The following CSN3 variants were observed in gnomAD, a reference collection of about 807,000 sequenced individuals.
CSN3 encodes casein kappa.
Under a neutral mutation model 9.9 loss-of-function variants are expected in CSN3, and 7 were observed. The ratio of observed to expected loss-of-function variants is 0.71; its 90% confidence interval spans 0.40 to 1.33. CSN3 has a LOEUF of 1.33. CSN3 is among the 40% of genes most tolerant of loss of function. The probability of loss-of-function intolerance (pLI) is 0.01; values close to 1 mark genes in which losing one functional copy is unlikely to be tolerated. For missense variants in CSN3, 253 were observed against 227.9 expected (o/e 1.11, Z -0.71); for synonymous variants, 88 against 82.3 (o/e 1.07, Z -0.37).
chr4:70,244,812 G>A lies in CSN3; in HGVS notation c.-8G>A. ...AATTTTTTTTTAAATTTATCTTTAG[G>A]TGCAATAATGAAGAGTTTTCTTCTA... is the stretch of plus-strand genomic sequence containing the variant. On this transcript the variant is annotated splice_region_variant and 5_prime_UTR_variant, in exon 2 of 5. The change creates a new upstream start codon in the 5' untranslated region. Transcript: ENST00000304954. The A allele has an allele frequency of 6.6e-7, 1 of 1,515,024 alleles. No homozygotes were observed. Among genetic ancestry groups the A allele is most frequent in the African/African-American group, 1.4e-5 (1 of 71,258 alleles). 93.8% of individuals were successfully genotyped at this position (1,515,024 alleles called of 1,614,324 possible).
chr4:70,242,707 A>T (rs936183356), intron 1 of CSN3, 42 bp downstream of exon 1: 2 of 152,112 alleles, frequency 1.3e-5, no homozygotes, highest in Admixed American at 6.6e-5. Flanking sequence ...TCCTTTTCAC[A>T]GTAGTTAGTT....
chr4:70,247,495 T>A (rs926423675), intron 2 of CSN3, among the ~76,000 whole-genome samples: 1 of 152,108 alleles, frequency 6.6e-6, no homozygotes, highest in African/African-American at 2.4e-5. Flanking sequence ...AAAAACTAAA[T>A]AGAAATTATT....
chr4:70,243,264 T>A (rs1030997013), intron 1 of CSN3: 1 of 539,146 alleles, frequency 1.9e-6, no homozygotes, highest in South Asian at 8.4e-5. Context: ...ATATTTTCTT[T>A]TGTTTACATA....
chr4:70,250,008 A>C (rs974026281), intron 4 of CSN3, among the ~76,000 whole-genome samples: 6 of 152,194 alleles, frequency 3.9e-5, no homozygotes, highest in African/African-American at 1.2e-4. Context: ...AAAATGATTC[A>C]TGAAGTTAAG....
chr4:70,241,136 A>C (rs994000199), upstream of CSN3, among the ~76,000 whole-genome samples: 2 of 152,040 alleles, frequency 1.3e-5, no homozygotes, highest in Non-Finnish European at 2.9e-5. Flanking sequence ...GTGAAATAGA[A>C]CACCTTCAAA....
exon 4 of CSN3, chr4:70,249,270 C>G (rs775548973): frequency 2.5e-6 from 4 of 1,614,024 alleles, no homozygotes; most frequent in Non-Finnish European, 3.4e-6. Flanking sequence ...TTATTGCCAT[C>G]CCCCCAAAGA....
chr4:70,242,944 T>C (rs111287292), intron 1 of CSN3, among the ~76,000 whole-genome samples: 2,228 of 152,274 alleles, frequency 0.015, 49 homozygotes, highest in African/African-American at 0.049. Context: ...GCGTTTAACG[T>C]ATTCCTACAG....
exon 4 of CSN3, chr4:70,249,044 A>G: frequency 6.2e-7 from 1 of 1,612,304 alleles, no homozygotes; most frequent in South Asian, 1.1e-5. Flanking sequence ...ACAGCTCCAT[A>G]TGTCCCAATG....
At chr4:70,248,868 T>C in intron 3 of CSN3, 130 bp from the exon 4 acceptor site, 1 of 516,686 alleles carries the variant, frequency 1.9e-6, no homozygotes, top group South Asian at 5.7e-5. Flanking sequence ...ATAATATTGC[T>C]GCTGGGTTCC....
At position 70,248,993 on chromosome 4, in the gene CSN3, TGCAGTGCC is replaced by T. The variant is rs1272318154; in HGVS notation, c.88-4_91del. 1 of 1,553,026 alleles carries T rather than the reference TGCAGTGCC, an allele frequency of 6.4e-7. No individual in the cohort carries two copies. Among genetic ancestry groups the T allele is most frequent in the Non-Finnish European group, 8.7e-7 (1 of 1,151,374 alleles). ...AATATTCTGTATAATTTATTTTTTT[TGCAGTGCC>T]ATGAGAATGATGAAAGACCATTCTA... On this transcript the variant is annotated splice_acceptor_variant and splice_polypyrimidine_tract_variant and coding_sequence_variant and intron_variant, in exon 4 of 5. Transcript: ENST00000304954. LOFTEE classifies it high-confidence loss of function.
At chr4:70,240,470 A>T (rs62307448), upstream of CSN3, among the ~76,000 whole-genome samples, 17,239 of 151,980 alleles carry the variant, frequency 0.11, 1,291 homozygotes, top group East Asian at 0.27. Flanking sequence ...AGACTGGTGG[A>T]TTCGTTCCAG....
chr4:70,244,698 T>A (rs1268525043), intron 1 of CSN3, 114 bp from the exon 2 acceptor site: 1 of 460,756 alleles, frequency 2.2e-6, no homozygotes, highest in Non-Finnish European at 3.5e-6. Flanking sequence ...ATCGGCTAAA[T>A]CTACCTGTAA....
intron 2 of CSN3, among the ~76,000 whole-genome samples, chr4:70,246,903 C>A (rs1224647827): frequency 6.6e-6 from 1 of 151,948 alleles, no homozygotes; most frequent in East Asian, 1.9e-4. Flanking sequence ...AACCCCTGAC[C>A]TCAGATGATC....
At chr4:70,249,200 A>G in exon 4 of CSN3, 1 of 1,614,058 alleles carries the variant, frequency 6.2e-7, no homozygotes, top group Non-Finnish European at 8.5e-7. Context: ...CCTCAGCGGC[A>G]ATACCTGCCA....
intron 2 of CSN3, 28 bp from the exon 3 acceptor site, chr4:70,247,790 C>T (rs1441906132): frequency 6.4e-7 from 1 of 1,568,548 alleles, no homozygotes; most frequent in Non-Finnish European, 8.6e-7. Flanking sequence ...ACTTATTTCT[C>T]ATTATTTCTT....
At position 70,250,404 on chromosome 4, in the gene CSN3, TCTG is replaced by T. The variant is rs1218832974; in HGVS notation, c.*35-855_*35-853del. On this transcript the variant is annotated intron_variant, in intron 4 of 4. Coordinates refer to ENST00000304954, the Ensembl canonical transcript of CSN3. ...AGCCCAGAAAAGGTTGCTTCTTTCA[TCTG>T]CTTGCCTAATGACCATAGGCTGGTC... 4.6e-5 allele frequency among the ~76,000 whole-genome samples: 7 copies of T among 152,140 alleles called. No individual in the cohort carries two copies. The South Asian group carries it at 1.5e-3, about 32-fold the overall frequency.
At chr4:70,246,595 T>C (rs1179258716) in intron 2 of CSN3, among the ~76,000 whole-genome samples, 2 of 151,794 alleles carry the variant, frequency 1.3e-5, no homozygotes, top group Non-Finnish European at 2.9e-5. Context: ...ATACATAACA[T>C]AGGTTGATAT....
At chr4:70,247,427 A>C (rs945225254) in intron 2 of CSN3, among the ~76,000 whole-genome samples, 2 of 152,292 alleles carry the variant, frequency 1.3e-5, no homozygotes, top group South Asian at 4.1e-4. Context: ...AGAGCAGAGA[A>C]AGGAAAAAAG....
upstream of CSN3, among the ~76,000 whole-genome samples, chr4:70,239,091 G>A (rs969374177): frequency 6.6e-6 from 1 of 151,788 alleles, no homozygotes; most frequent in African/African-American, 2.4e-5. Context: ...AGATATTAAA[G>A]ATAGAGGGAG....
Sources: allele counts gnomAD v4.1 joint callset (sites outside exome capture counted in the v4.1 genomes callset), GRCh38; gene constraint gnomAD v4.1.1; transcripts MANE v1.5; gene names NCBI Gene and HGNC (gene_info 2026-07-23, HGNC 2026-07-21).